The following NKAIN2 variants were observed in gnomAD, a reference collection of about 807,000 sequenced individuals.
NKAIN2 encodes sodium/potassium transporting ATPase interacting 2, also known as sodium/potassium-transporting ATPase subunit beta-1-interacting protein 2.
A neutral mutation model predicts 32.6 loss-of-function variants in NKAIN2; 14 were observed. The observed-to-expected ratio is 0.43, with a 90% confidence interval of 0.28 to 0.67. NKAIN2 has a LOEUF of 0.67. NKAIN2 is among the 30% of genes least tolerant of loss of function. NKAIN2 has a pLI of 0.17. For synonymous variants in NKAIN2, 80 were observed against 87.2 expected, an observed-to-expected ratio of 0.92 and a Z score of 0.46; for missense variants, 198 against 258.3, an observed-to-expected ratio of 0.77 and a Z score of 1.60.
chr6:124,102,385 C>T (rs1784926644), intron 1 of NKAIN2, among the ~76,000 whole-genome samples: 1 of 152,198 alleles, frequency 6.6e-6, no homozygotes, highest in African/African-American at 2.4e-5. Context: ...GACACAAAGG[C>T]TTTCAGCAAG....
intron 2 of NKAIN2, among the ~76,000 whole-genome samples, chr6:124,342,309 T>A (rs1347966863): frequency 6.7e-6 from 1 of 150,046 alleles, no homozygotes; most frequent in East Asian, 2.0e-4. Context: ...CTCAGGAGGC[T>A]GAGGCAGGAG....
chr6:124,423,749 G>T (rs1774857570), intron 3 of NKAIN2, among the ~76,000 whole-genome samples: 1 of 152,094 alleles, frequency 6.6e-6, no homozygotes, highest in Non-Finnish European at 1.5e-5. Context: ...CCTTTCAGGG[G>T]ATGAAGCAAC....
rs769863157 is a variant in NKAIN2, at chr6:124,230,876, CCA to C, written c.55-52124_55-52123del. ...GAAGGGAAATGTAAGGTTGGAGACC[CCA>C]CACAGAGTCCCTACTGGGGCACCTC... On this transcript the variant is annotated intron_variant, in intron 1 of 6. Transcript: ENST00000368417. 8.5e-5 allele frequency among the ~76,000 whole-genome samples: 13 copies of C among 152,246 alleles called. No individual in the cohort carries two copies. In the East Asian group the frequency reaches 1.9e-3, roughly 23 times the overall value.
chr6:124,501,426 C>T (rs772769366), intron 3 of NKAIN2, among the ~76,000 whole-genome samples: 5 of 151,982 alleles, frequency 3.3e-5, no homozygotes, highest in Admixed American at 6.6e-5. Flanking sequence ...TCAAATTAGC[C>T]GTAATGGAAG....
intron 1 of NKAIN2, among the ~76,000 whole-genome samples, chr6:124,271,836 G>T (rs944358502): frequency 3.9e-5 from 6 of 152,142 alleles, no homozygotes; most frequent in African/African-American, 1.4e-4. Flanking sequence ...CTGGAGTAAA[G>T]GTCACTCGTG....
chr6:123,939,479 T>C (rs1291744307), intron 1 of NKAIN2, among the ~76,000 whole-genome samples: 1 of 151,990 alleles, frequency 6.6e-6, no homozygotes, highest in African/African-American at 2.4e-5. Context: ...GCTGCTGACT[T>C]TCATTCATTG....
At chr6:124,596,779 A>G (rs940041306) in intron 3 of NKAIN2, among the ~76,000 whole-genome samples, 1 of 152,020 alleles carries the variant, frequency 6.6e-6, no homozygotes. Flanking sequence ...ATGTATGTAT[A>G]TCTCTATATA....
At chr6:124,300,467 T>C (rs1796248272) in intron 2 of NKAIN2, among the ~76,000 whole-genome samples, 1 of 152,152 alleles carries the variant, frequency 6.6e-6, no homozygotes, top group African/African-American at 2.4e-5. Flanking sequence ...AATAGACTAA[T>C]ATAGTAAATT....
chr6:124,395,388 T>C (rs1773333233), intron 3 of NKAIN2, among the ~76,000 whole-genome samples: 1 of 152,220 alleles, frequency 6.6e-6, no homozygotes, highest in Non-Finnish European at 1.5e-5. Context: ...AATAGTGTAT[T>C]CTTTATTTAT....
At chr6:124,431,461 G>T (rs72967826) in intron 3 of NKAIN2, among the ~76,000 whole-genome samples, 2,151 of 152,204 alleles carry the variant, frequency 0.014, 37 homozygotes, top group Middle Eastern at 0.048. Flanking sequence ...AATGTCTGAT[G>T]CCAGTGTTCT....
chr6:124,099,367 T>A (rs1784781175), intron 1 of NKAIN2, among the ~76,000 whole-genome samples: 1 of 152,180 alleles, frequency 6.6e-6, no homozygotes, highest in South Asian at 2.1e-4. Flanking sequence ...AAAAATGTAA[T>A]TTGAATTTAG....
intron 2 of NKAIN2, among the ~76,000 whole-genome samples, chr6:124,288,690 A>G (rs1284874827): frequency 6.6e-6 from 1 of 152,186 alleles, no homozygotes; most frequent in Non-Finnish European, 1.5e-5. Flanking sequence ...AGTTATATCT[A>G]ATATCCATTA....
intron 1 of NKAIN2, among the ~76,000 whole-genome samples, chr6:124,260,607 A>G (rs1470867471): frequency 6.6e-6 from 1 of 152,056 alleles, no homozygotes; most frequent in Non-Finnish European, 1.5e-5. Context: ...GGGTGGTGAG[A>G]CAAATCAGGA....
At chr6:124,729,962 G>T (rs996388026) in intron 4 of NKAIN2, among the ~76,000 whole-genome samples, 1 of 147,352 alleles carries the variant, frequency 6.8e-6, no homozygotes, top group South Asian at 2.2e-4. Context: ...ATTCACAATT[G>T]CTTCAAAGAG....
chr6:124,123,735 A>G (rs1407203167), intron 1 of NKAIN2, among the ~76,000 whole-genome samples: 4 of 152,128 alleles, frequency 2.6e-5, no homozygotes, highest in Non-Finnish European at 5.9e-5. Flanking sequence ...GACCTCCTGA[A>G]TCATATACTA....
intron 1 of NKAIN2, among the ~76,000 whole-genome samples, chr6:124,172,024 G>C (rs75182409): frequency 0.057 from 8,683 of 151,400 alleles, 464 homozygotes; most frequent in African/African-American, 0.12. Flanking sequence ...GTGTTAGCCA[G>C]GGTGATCTCC....
intron 3 of NKAIN2, among the ~76,000 whole-genome samples, chr6:124,603,339 A>G (rs969480147): frequency 3.9e-5 from 6 of 151,900 alleles, no homozygotes; most frequent in Non-Finnish European, 5.9e-5. Context: ...GTCATTTGAA[A>G]TGGTTTTGTT....
intron 3 of NKAIN2, among the ~76,000 whole-genome samples, chr6:124,496,921 A>G (rs931148411): frequency 1.3e-5 from 2 of 152,102 alleles, no homozygotes; most frequent in African/African-American, 4.8e-5. Flanking sequence ...CAGAAATCTC[A>G]TAAGTGGCAA....
chr6:124,656,349 T>C (rs1173455905), intron 3 of NKAIN2, among the ~76,000 whole-genome samples: 1 of 152,200 alleles, frequency 6.6e-6, no homozygotes, highest in Non-Finnish European at 1.5e-5. Context: ...AAAATTAAAC[T>C]TCTTCCTTCC....
Sources: gnomAD v4.1 joint callset for allele counts (sites outside exome capture counted in the v4.1 genomes callset) on GRCh38, gnomAD v4.1.1 for gene constraint, MANE v1.5 for transcripts, NCBI Gene and HGNC (gene_info 2026-07-23, HGNC 2026-07-21) for gene names.